Variants in GABRG3 observed in about 807,000 individuals in gnomAD.
The protein encoded by GABRG3 is gamma-aminobutyric acid receptor subunit gamma-3.
In GABRG3, 25 loss-of-function variants were observed where a neutral mutation model predicts 48.8. The ratio of observed to expected loss-of-function variants is 0.51; its 90% CI spans 0.37 to 0.72. The LOEUF (loss-of-function observed/expected upper bound fraction) is 0.72. GABRG3 is among the 30% of genes least tolerant of loss of function. The pLI, the probability that GABRG3 is intolerant of heterozygous loss-of-function variation, is 0.00. For synonymous variants in GABRG3, 227 were observed against 217.6 expected (o/e 1.04, Z -0.38); for missense variants, 394 against 577.9 (o/e 0.68, Z 3.26).
intron 5 of GABRG3, among the ~76,000 whole-genome samples, chr15:27,389,415 C>A (rs1385404493): frequency 6.6e-6 from 1 of 152,152 alleles, no homozygotes; most frequent in Non-Finnish European, 1.5e-5. Context: ...AGGGAACACA[C>A]CATATGCTCA....
intron 3 of GABRG3, among the ~76,000 whole-genome samples, chr15:27,112,025 G>C (rs1227680403): frequency 1.3e-5 from 2 of 152,144 alleles, no homozygotes; most frequent in Non-Finnish European, 2.9e-5. Context: ...TGAGAATCTG[G>C]TGGAACGCTT....
intron 3 of GABRG3, among the ~76,000 whole-genome samples, chr15:27,190,882 C>G (rs986495536): frequency 6.6e-6 from 1 of 152,076 alleles, no homozygotes; most frequent in Admixed American, 6.6e-5. Context: ...AAATTTCCCT[C>G]TACACACTGC....
intron 3 of GABRG3, among the ~76,000 whole-genome samples, chr15:27,122,950 C>G (rs1195176424): frequency 6.6e-6 from 1 of 152,172 alleles, no homozygotes; most frequent in Non-Finnish European, 1.5e-5. Context: ...GGGTGGTCCC[C>G]AAAGCCAATC....
intron 9 of GABRG3, 126 bp from the exon 10 acceptor site, chr15:27,532,474 A>AGAGGGGGGGAT (rs28399530): frequency 7.9e-6 from 6 of 757,884 alleles, no homozygotes; most frequent in African/African-American, 3.9e-5. Flanking sequence ...CATGGGGGGA[A>AGAGGGGGGGAT]GGGCACACCC....
At chr15:27,235,935 C>T (rs965771269) in intron 3 of GABRG3, among the ~76,000 whole-genome samples, 10 of 152,174 alleles carry the variant, frequency 6.6e-5, no homozygotes, top group Non-Finnish European at 1.2e-4. Flanking sequence ...CCTCTTCCTG[C>T]TGCAGAGACG....
chr15:27,167,875 G>A (rs935175670), intron 3 of GABRG3, among the ~76,000 whole-genome samples: 8 of 152,144 alleles, frequency 5.3e-5, no homozygotes, highest in Admixed American at 2.6e-4. Flanking sequence ...CGATCAAGGC[G>A]ATCACTGGTA....
chr15:27,427,580 A>G (rs796561981), intron 5 of GABRG3, among the ~76,000 whole-genome samples: 104 of 152,362 alleles, frequency 6.8e-4, no homozygotes, highest in African/African-American at 2.5e-3. Flanking sequence ...TGTTATCATT[A>G]CTAGGCATGT....
intron 3 of GABRG3, among the ~76,000 whole-genome samples, chr15:27,189,565 TG>T (rs1199300261): frequency 1.3e-5 from 2 of 152,116 alleles, no homozygotes; most frequent in Non-Finnish European, 2.9e-5. Flanking sequence ...TTGTGATTTT[TG>T]TACATTGATT....
intron 2 of GABRG3, among the ~76,000 whole-genome samples, chr15:27,023,181 T>G (rs760177910): frequency 6.6e-6 from 1 of 152,198 alleles, no homozygotes; most frequent in Non-Finnish European, 1.5e-5. Flanking sequence ...TATTCCTATT[T>G]CTTTTAAAAA....
chr15:27,185,233 C>A (rs954382337), intron 3 of GABRG3, among the ~76,000 whole-genome samples: 1 of 152,124 alleles, frequency 6.6e-6, no homozygotes, highest in African/African-American at 2.4e-5. Context: ...GTTAAATATT[C>A]ACTTTCATTC....
rs551469832 is a variant in GABRG3, at chr15:27,404,199, C to T, written c.574+75311C>T. Among the ~76,000 whole-genome samples the T allele has an allele frequency of 5.9e-5, 9 of 152,202 alleles. No individual in the cohort carries two copies. In the South Asian group the frequency reaches 6.2e-4, roughly 11 times the overall value. ...TGGTGCCACTGCACTCTAGCCTGGGCGACAGAGGGAGACTCCGTCTGAAGA... is the reference window on the plus strand; with the variant it reads ...TGGTGCCACTGCACTCTAGCCTGGGTGACAGAGGGAGACTCCGTCTGAAGA... On this transcript the variant is annotated intron_variant, in intron 5 of 9. Coordinates refer to ENST00000615808, the MANE Select transcript of GABRG3 (RefSeq NM_033223.5).
chr15:27,285,960 G>A (rs149570670), intron 3 of GABRG3, among the ~76,000 whole-genome samples: 1 of 152,140 alleles, frequency 6.6e-6, no homozygotes, highest in East Asian at 1.9e-4. Flanking sequence ...ACAGTGCTTG[G>A]CCCATCGTAG....
At chr15:27,151,977 G>A (rs1440078452) in intron 3 of GABRG3, among the ~76,000 whole-genome samples, 2 of 152,114 alleles carry the variant, frequency 1.3e-5, no homozygotes, top group South Asian at 2.1e-4. Context: ...TCTTAGCAAA[G>A]TTTTTCATAC....
chr15:27,123,972 C>T lies in GABRG3; in HGVS notation c.270+97151C>T, dbSNP rs137982800. 1.1e-3 allele frequency among the ~76,000 whole-genome samples: 169 copies of T among 152,246 alleles called. 1 individual carries two copies. Among genetic ancestry groups the T allele is most frequent in the African/African-American group, 3.9e-3 (160 of 41,556 alleles). ...GACATTTTCTGGACACCCAGGCGGC[C>T]GGAGCCTTCCCTGCTGACTCAGCCC... On this transcript the variant is annotated intron_variant, in intron 3 of 9. Coordinates refer to ENST00000615808, the MANE Select transcript of GABRG3 (RefSeq NM_033223.5).
At position 27,247,061 on chromosome 15, in the gene GABRG3, C is replaced by T. The variant is rs111900998; in HGVS notation, c.271-79748C>T. 7.6e-3 allele frequency among the ~76,000 whole-genome samples: 1,152 copies of T among 152,304 alleles called. 16 individuals carry two copies. The highest frequency in any genetic ancestry group is 0.026 in the African/African-American group (1,075 of 41,556). Reference sequence around the variant, plus strand: ...GCAAGCAATTCTCCTTTCTCAGCTTCCCGAGTAACTGGGACTGCAGGTGTG... The same window carrying T: ...GCAAGCAATTCTCCTTTCTCAGCTTTCCGAGTAACTGGGACTGCAGGTGTG... On this transcript the variant is annotated intron_variant, in intron 3 of 9. Transcript: ENST00000615808.
chr15:27,278,553 G>T (rs1282772423), intron 3 of GABRG3, among the ~76,000 whole-genome samples: 1 of 152,076 alleles, frequency 6.6e-6, no homozygotes, highest in Non-Finnish European at 1.5e-5. Context: ...TGTATATTAG[G>T]TATTGCTCTG....
intron 3 of GABRG3, among the ~76,000 whole-genome samples, chr15:27,043,823 C>A (rs548167843): frequency 8.5e-5 from 13 of 152,348 alleles, no homozygotes; most frequent in African/African-American, 3.1e-4. Context: ...CTGGCTCCTC[C>A]GCTTCAGGGT....
At chr15:27,235,265 A>C (rs542660313) in intron 3 of GABRG3, among the ~76,000 whole-genome samples, 8 of 150,996 alleles carry the variant, frequency 5.3e-5, no homozygotes, top group Admixed American at 2.0e-4. Context: ...CTATCCCTGC[A>C]CAGAAGATGG....
intron 6 of GABRG3, among the ~76,000 whole-genome samples, chr15:27,493,244 A>G (rs960165106): frequency 5.3e-5 from 8 of 152,162 alleles, no homozygotes; most frequent in Non-Finnish European, 1.2e-4. Context: ...ACTCTTTTCC[A>G]TACAATAGAC....
Sources: gnomAD v4.1 joint callset for allele counts (sites outside exome capture counted in the v4.1 genomes callset) on GRCh38, gnomAD v4.1.1 for gene constraint, MANE v1.5 for transcripts, NCBI Gene and HGNC (gene_info 2026-07-23, HGNC 2026-07-21) for gene names.